Variants in AGBL1 observed in about 807,000 individuals in gnomAD.
The protein encoded by AGBL1 is cytosolic carboxypeptidase 4.
In AGBL1, 130 loss-of-function variants were observed where a neutral mutation model predicts 118.9. The ratio of observed to expected loss-of-function variants is 1.09; its 90% confidence interval spans 0.95 to 1.26. The LOEUF (loss-of-function observed/expected upper bound fraction) is 1.26. Ranked by LOEUF, AGBL1 falls within the 50% of genes most tolerant of loss-of-function variation. The pLI is 0.00. For missense variants in AGBL1, 1,584 were observed against 1,298.1 expected, an observed-to-expected ratio of 1.22 and a Z score of -3.38; for synonymous variants, 555 against 478.9, an observed-to-expected ratio of 1.16 and a Z score of -2.08.
chr15:86,974,831 GC>G (rs1363902286), intron 23 of AGBL1, among the ~76,000 whole-genome samples: 1 of 151,722 alleles, frequency 6.6e-6, no homozygotes, highest in Non-Finnish European at 1.5e-5. Flanking sequence ...CTGTATGTTG[GC>G]TAGAGGTAAC....
At chr15:86,800,556 C>T (rs1404554720) in intron 22 of AGBL1, among the ~76,000 whole-genome samples, 2 of 152,070 alleles carry the variant, frequency 1.3e-5, no homozygotes, top group Admixed American at 1.3e-4. Context: ...ACCTTTCTCA[C>T]TTTGCATAAC....
chr15:86,397,524 C>T lies in AGBL1; in HGVS notation c.2533C>T (p.Pro845Ser). Residue 845 changes from proline (P) to serine (S), a missense_variant, in exon 18 of 23, where the codon CCA becomes TCA. Physicochemically the swap from Pro to Ser is moderately conservative, Grantham distance 74. Coordinates refer to ENST00000614907, the MANE Select transcript of AGBL1 (RefSeq NM_001386094.1). The part of the protein sequence containing the change: ...FIFKIIPMLN[P>S]DGVINGNHRC... ...CTTCAAGATCATACCCATGCTCAACCCAGATGGTGTCATCAACGGCAAGTA... is the reference window on the plus strand; with the variant it reads ...CTTCAAGATCATACCCATGCTCAACTCAGATGGTGTCATCAACGGCAAGTA... 1 of 1,610,306 alleles carries T rather than the reference C, an allele frequency of 6.2e-7. No individual in the cohort carries two copies. The highest frequency in any genetic ancestry group is 1.1e-5 in the South Asian group (1 of 90,724).
At chr15:86,899,950 G>C (rs937023339) in intron 22 of AGBL1, among the ~76,000 whole-genome samples, 12 of 152,180 alleles carry the variant, frequency 7.9e-5, no homozygotes, top group Non-Finnish European at 1.8e-4. Flanking sequence ...TCAGCTGCCT[G>C]AACAGCTAGA....
At chr15:86,443,735 A>G (rs754258499) in intron 18 of AGBL1, among the ~76,000 whole-genome samples, 6 of 152,206 alleles carry the variant, frequency 3.9e-5, no homozygotes, top group Non-Finnish European at 8.8e-5. Context: ...TTTACCAAAC[A>G]TAGTGTCCTC....
Position 86,613,199 on chromosome 15 carries a change from G to A in AGBL1, c.2994+58662G>A, listed in dbSNP as rs887672797. ...TGTCTCAGATACTTTTTGGTTTACA[G>A]GTACCTTAAAGAAGAAAACAAATTA... On this transcript the variant is annotated intron_variant, in intron 21 of 22. Coordinates refer to ENST00000614907, the MANE Select transcript of AGBL1 (RefSeq NM_001386094.1). The surrounding 1 kb of genome is among the most constrained non-coding windows in gnomAD (Gnocchi z 4.2). Among the ~76,000 whole-genome samples, 1 of 152,144 alleles carries A rather than the reference G, an allele frequency of 6.6e-6. No homozygotes were observed. The highest frequency in any genetic ancestry group is 2.4e-5 in the African/African-American group (1 of 41,440).
At chr15:86,082,507 G>A (rs1895353966) in intron 1 of AGBL1, among the ~76,000 whole-genome samples, 1 of 152,214 alleles carries the variant, frequency 6.6e-6, no homozygotes, top group Non-Finnish European at 1.5e-5. Flanking sequence ...GGAAGAAAGA[G>A]ATTGGAGGGA....
chr15:86,556,129 A>C (rs1157646530), intron 21 of AGBL1: 3 of 1,033,464 alleles, frequency 2.9e-6, no homozygotes, highest in Non-Finnish European at 4.3e-6. Flanking sequence ...AGTGCCATTC[A>C]CAATAAATCA....
chr15:86,246,041 A>T (rs1234094760), intron 6 of AGBL1, among the ~76,000 whole-genome samples: 2 of 152,174 alleles, frequency 1.3e-5, no homozygotes, highest in Non-Finnish European at 2.9e-5. Context: ...GCAAGCCACC[A>T]CATTTGGCTT....
At chr15:86,955,524 GAGAA>G (rs532521807) in intron 23 of AGBL1, among the ~76,000 whole-genome samples, 160 of 152,030 alleles carry the variant, frequency 1.1e-3, no homozygotes, top group African/African-American at 3.6e-3. Flanking sequence ...GAACAGAATA[GAGAA>G]AGAAATCAAA....
At chr15:86,883,275 T>G (rs962796665) in intron 22 of AGBL1, among the ~76,000 whole-genome samples, 1 of 152,142 alleles carries the variant, frequency 6.6e-6, no homozygotes, top group Non-Finnish European at 1.5e-5. Flanking sequence ...CCTGTAAAAT[T>G]AAGTCTGATT....
intron 22 of AGBL1, among the ~76,000 whole-genome samples, chr15:86,825,682 AGGGAGAGAGGGAGGGAGGG>A: frequency 8.4e-6 from 1 of 119,500 alleles, no homozygotes. Context: ...GGAGGAAGGA[AGGGAGAGAGGGAGGGAGGG>A]AGGGAGAAAG....
Position 86,153,890 on chromosome 15 carries a change from A to C in AGBL1, c.263-540A>C, listed in dbSNP as rs181183827. On this transcript the variant is annotated intron_variant, in intron 3 of 22. Coordinates refer to ENST00000614907, the MANE Select transcript of AGBL1 (RefSeq NM_001386094.1). The stretch of plus-strand genomic sequence containing the variant: ...TTTCTTCCTAAATCCTTTCAAGTGC[A>C]TTTCTTTGAAAAGAGACATTTCCCT... Among the ~76,000 whole-genome samples, 583 of 152,266 alleles carry C rather than the reference A, an allele frequency of 3.8e-3. 1 individual carries two copies. Among genetic ancestry groups the C allele is most frequent in the Non-Finnish European group, 6.9e-3 (471 of 68,014 alleles).
At chr15:86,149,548 T>A (rs1335635137) in intron 3 of AGBL1, among the ~76,000 whole-genome samples, 1 of 152,076 alleles carries the variant, frequency 6.6e-6, no homozygotes, top group African/African-American at 2.4e-5. Flanking sequence ...TGCATAATGG[T>A]AAAGGGATCA....
At chr15:86,507,588 T>C (rs530166124) in intron 18 of AGBL1, among the ~76,000 whole-genome samples, 1 of 152,132 alleles carries the variant, frequency 6.6e-6, no homozygotes, top group South Asian at 2.1e-4. Flanking sequence ...TAAAATAATG[T>C]AGGTTGGAAA....
At chr15:86,163,877 T>C (rs546131990) in intron 5 of AGBL1, among the ~76,000 whole-genome samples, 9 of 152,378 alleles carry the variant, frequency 5.9e-5, no homozygotes, top group African/African-American at 1.2e-4. Flanking sequence ...GTTACCTTTT[T>C]TCCCCCTGAT....
At chr15:86,885,713 A>G (rs1039011912) in intron 22 of AGBL1, among the ~76,000 whole-genome samples, 2 of 152,230 alleles carry the variant, frequency 1.3e-5, no homozygotes, top group Non-Finnish European at 1.5e-5. Flanking sequence ...AGAATAAGAC[A>G]TCCACAAAAT....
At chr15:86,888,467 A>G (rs2080004176) in intron 22 of AGBL1, among the ~76,000 whole-genome samples, 2 of 152,264 alleles carry the variant, frequency 1.3e-5, no homozygotes, top group Admixed American at 1.3e-4. Context: ...CACACTGTCG[A>G]TTCTTTGCGA....
chr15:86,236,682 AGAAG>A (rs2078548633), intron 6 of AGBL1, among the ~76,000 whole-genome samples: 1 of 151,944 alleles, frequency 6.6e-6, no homozygotes, highest in Non-Finnish European at 1.5e-5. Flanking sequence ...TAGTAAAGAA[AGAAG>A]GAAGAAGCCT....
At chr15:86,390,465 C>A (rs1209275629) in intron 17 of AGBL1, among the ~76,000 whole-genome samples, 2 of 151,932 alleles carry the variant, frequency 1.3e-5, no homozygotes, top group Non-Finnish European at 2.9e-5. Context: ...CATAATGGCC[C>A]TAAACTGGAA....
Sources: gnomAD v4.1 joint callset for allele counts (sites outside exome capture counted in the v4.1 genomes callset) on GRCh38, gnomAD v4.1.1 for gene constraint, Gnocchi (gnomAD v3.1) non-coding constraint, MANE v1.5 for transcripts, NCBI Gene and HGNC (gene_info 2026-07-23, HGNC 2026-07-21) for gene names.